TRERF1: variants seen among roughly 807,000 people sequenced by gnomAD.
The protein encoded by TRERF1 is transcriptional-regulating factor 1.
TRERF1 carries 27 observed loss-of-function variants against 122.9 expected under a neutral mutation model. The ratio of observed to expected loss-of-function variants is 0.22; its 90% CI spans 0.16 to 0.30. The LOEUF (loss-of-function observed/expected upper bound fraction) is 0.30, where lower values mean the gene tolerates loss of function less well. Among genes scored for constraint, TRERF1 ranks in the 10% least tolerant of loss-of-function variants. The pLI is 1.00. For synonymous variants in TRERF1, 636 were observed against 641.7 expected, an observed-to-expected ratio of 0.99 and a Z score of 0.13; for missense variants, 1,248 against 1,560.3, an observed-to-expected ratio of 0.80 and a Z score of 3.37.
chr6:42,406,504 C>T (rs1410702676), intron 2 of TRERF1, among the ~76,000 whole-genome samples: 1 of 152,206 alleles, frequency 6.6e-6, no homozygotes, highest in Non-Finnish European at 1.5e-5. Flanking sequence ...TCCCTGCACA[C>T]CCCAGTTCCC....
Position 42,346,987 on chromosome 6 carries a change from A to C in TRERF1, c.-371+16010T>G, listed in dbSNP as rs146361065. 9.0e-3 allele frequency among the ~76,000 whole-genome samples: 1,372 copies of C among 152,344 alleles called. 14 individuals are homozygous for C. The highest frequency in any genetic ancestry group is 0.031 in the African/African-American group (1,298 of 41,576). On this transcript the variant is annotated intron_variant, in intron 3 of 17. Transcript: ENST00000372922. The stretch of plus-strand genomic sequence containing the variant: ...GTTTCCAAAGGGGCTCAGGTAGAAT[A>C]AAATGCTTTATTGCTGTTCTTAAAA...
chr6:42,310,096 C>T (rs1223711305), intron 3 of TRERF1, among the ~76,000 whole-genome samples: 1 of 149,736 alleles, frequency 6.7e-6, no homozygotes, highest in Non-Finnish European at 1.5e-5. Flanking sequence ...TTCAGTTGCA[C>T]TAACTACTTT....
At chr6:42,291,837 G>GC (rs2150152807) in intron 4 of TRERF1, among the ~76,000 whole-genome samples, 1 of 152,062 alleles carries the variant, frequency 6.6e-6, no homozygotes, top group Non-Finnish European at 1.5e-5. Context: ...AAGACACTGC[G>GC]CCCGGCCCTG....
chr6:42,433,741 G>A (rs1051754379), intron 2 of TRERF1, among the ~76,000 whole-genome samples: 1 of 152,152 alleles, frequency 6.6e-6, no homozygotes, highest in East Asian at 1.9e-4. Context: ...ACAAGGGCCA[G>A]GCATGGTGGC....
intron 2 of TRERF1, among the ~76,000 whole-genome samples, chr6:42,411,305 G>T (rs889664181): frequency 6.6e-5 from 10 of 152,182 alleles, no homozygotes; most frequent in Non-Finnish European, 1.5e-4. Context: ...AGAAACTGAG[G>T]TCCGGGAGGG....
At position 42,228,731 on chromosome 6, in the gene TRERF1, AG is replaced by A; in HGVS notation, c.3279-63del. ...AGGAGATCTGAGTTCTTGGAAATCC[AG>A]GTGTCCTACGGGGAATGGGGGTGTG... On this transcript the variant is annotated intron_variant, in intron 17 of 17. Transcript: ENST00000372922. This position sits in a 1 kb window ranked among gnomAD's most constrained non-coding sequence, Gnocchi z 4.2. 6.6e-7 allele frequency: 1 copy of A among 1,505,078 alleles called. No individual in the cohort carries two copies. Among genetic ancestry groups the A allele is most frequent in the Non-Finnish European group, 8.9e-7 (1 of 1,123,896 alleles). The allele number at this position is 1,505,078 out of a possible 1,614,324, so 93.2% of individuals were successfully genotyped here.
chr6:42,264,577 TCCTGTCAAGGGAGGACTGTG>T, intron 7 of TRERF1, 107 bp downstream of exon 7: 10 of 1,426,032 alleles, frequency 7.0e-6, no homozygotes, highest in Non-Finnish European at 7.5e-6. Flanking sequence ...GCCTAAGCAT[TCCTGTCAAGGGAGGACTGTG>T]CCTCGCCAGG....
intron 2 of TRERF1, among the ~76,000 whole-genome samples, chr6:42,367,254 C>G (rs1467423704): frequency 2.0e-5 from 3 of 152,178 alleles, no homozygotes; most frequent in Non-Finnish European, 4.4e-5. Context: ...TCCACTCTTA[C>G]TAACAGAAAC....
rs190420402 is a variant in TRERF1 at position 42,322,098 on chromosome 6, C to T, written c.-370-21349G>A. 6.6e-5 allele frequency among the ~76,000 whole-genome samples: 10 copies of T among 152,086 alleles called. No individual in the cohort carries two copies. In the East Asian group the frequency reaches 1.5e-3, roughly 23 times the overall value. Reference sequence around the variant, plus strand: ...ACGCAAATACTGCCATTTTACTGCACCGGGACTCAGGAAGTACTGTTGTTA... The same window carrying T: ...ACGCAAATACTGCCATTTTACTGCATCGGGACTCAGGAAGTACTGTTGTTA... On this transcript the variant is annotated intron_variant, in intron 3 of 17. Transcript: ENST00000372922.
intron 3 of TRERF1, among the ~76,000 whole-genome samples, chr6:42,324,613 A>G (rs1171733091): frequency 6.6e-6 from 1 of 152,164 alleles, no homozygotes; most frequent in African/African-American, 2.4e-5. Context: ...CCTACAACCA[A>G]CTGATCTTCA....
At chr6:42,329,913 C>T (rs367987563) in intron 3 of TRERF1, among the ~76,000 whole-genome samples, 34 of 152,004 alleles carry the variant, frequency 2.2e-4, no homozygotes, top group East Asian at 9.7e-4. Context: ...GGCATGAACC[C>T]GGGAGGCAGA....
At chr6:42,397,205 A>C (rs934156433) in intron 2 of TRERF1, among the ~76,000 whole-genome samples, 6 of 152,180 alleles carry the variant, frequency 3.9e-5, no homozygotes, top group Non-Finnish European at 7.3e-5. Flanking sequence ...TCATCGGAGT[A>C]TGGAGACAAG....
chr6:42,305,581 C>G (rs1038647650), intron 3 of TRERF1, among the ~76,000 whole-genome samples: 1 of 152,066 alleles, frequency 6.6e-6, no homozygotes, highest in Admixed American at 6.5e-5. Context: ...AGGAAAAGAA[C>G]AGCTCACATC....
rs1248233601 is a variant in TRERF1, at chr6:42,228,150, C to T, written c.*195G>A. ...ATAGTTGTGCCAATTATTTATTCCC[C>T]CAACCCCCCACAAAAACAAATTTTT... On this transcript the variant is annotated 3_prime_UTR_variant, in exon 18 of 18. Coordinates refer to ENST00000372922, the Ensembl canonical transcript of TRERF1. This position sits in a 1 kb window ranked among gnomAD's most constrained non-coding sequence, Gnocchi z 4.2. 2.0e-6 allele frequency: 1 copy of T among 507,094 alleles called. No individual in the cohort carries two copies. Among genetic ancestry groups the T allele is most frequent in the South Asian group, 3.6e-5 (1 of 27,512 alleles). 31.4% of individuals were successfully genotyped at this position (507,094 alleles called of 1,614,324 possible).
chr6:42,258,271 C>G, intron 9 of TRERF1, 70 bp from the exon 10 acceptor site: 2 of 1,394,352 alleles, frequency 1.4e-6, no homozygotes, highest in South Asian at 2.4e-5. Context: ...AGCAAATGAG[C>G]AGTTACCTAA....
At chr6:42,324,987 G>A (rs769897308) in intron 3 of TRERF1, among the ~76,000 whole-genome samples, 7 of 151,806 alleles carry the variant, frequency 4.6e-5, no homozygotes, top group Admixed American at 2.0e-4. Flanking sequence ...GGGAGAAAAT[G>A]TTTGCAAACT....
At chr6:42,227,242 G>T (rs1165563369) in exon 18 of TRERF1, 1 of 152,166 alleles carries the variant, frequency 6.6e-6, no homozygotes, top group Non-Finnish European at 1.5e-5. Context: ...AATGCTATTT[G>T]TCTTGTATTT....
At chr6:42,352,956 T>C (rs1223916633) in intron 3 of TRERF1, among the ~76,000 whole-genome samples, 3 of 152,196 alleles carry the variant, frequency 2.0e-5, no homozygotes, top group African/African-American at 7.2e-5. Flanking sequence ...GAGTTTAAAA[T>C]TGTATCATAA....
chr6:42,292,896 G>A (rs548109825), intron 4 of TRERF1, among the ~76,000 whole-genome samples: 7 of 152,184 alleles, frequency 4.6e-5, no homozygotes, highest in Non-Finnish European at 8.8e-5. Context: ...ATTCTACTTC[G>A]TTTTCTGTTT....
Sources: gnomAD v4.1 joint callset for allele counts (sites outside exome capture counted in the v4.1 genomes callset) on GRCh38, gnomAD v4.1.1 for gene constraint, Gnocchi (gnomAD v3.1) non-coding constraint, MANE v1.5 for transcripts, NCBI Gene and HGNC (gene_info 2026-07-23, HGNC 2026-07-21) for gene names.